The following DSE variants were observed in gnomAD, a reference collection of about 807,000 sequenced individuals.
DSE encodes dermatan-sulfate epimerase.
DSE carries 36 observed loss-of-function variants against 84.4 expected under a neutral mutation model. The ratio of observed to expected loss-of-function variants is 0.43; its 90% CI spans 0.33 to 0.56. The LOEUF is 0.56. Among genes scored for constraint, DSE ranks in the 20% least tolerant of loss-of-function variants. The pLI is 0.06. For missense variants in DSE, 862 were observed against 1,169.6 expected (o/e 0.74, Z 3.84); for synonymous variants, 410 against 430.1 (o/e 0.95, Z 0.58).
intron 2 of DSE, among the ~76,000 whole-genome samples, chr6:116,338,473 C>T (rs912562983): frequency 6.6e-6 from 1 of 152,144 alleles, no homozygotes; most frequent in Non-Finnish European, 1.5e-5. Flanking sequence ...ATCCACCCGC[C>T]TCAGCCTCCC....
chr6:116,360,270 G>A (rs1276638113), intron 2 of DSE, among the ~76,000 whole-genome samples: 1 of 152,100 alleles, frequency 6.6e-6, no homozygotes, highest in Non-Finnish European at 1.5e-5. Context: ...GGGTTGATAG[G>A]TGCAGCAAAC....
chr6:116,402,056 CG>C (rs1407809838), intron 2 of DSE, among the ~76,000 whole-genome samples: 1 of 152,044 alleles, frequency 6.6e-6, no homozygotes, highest in African/African-American at 2.4e-5. Flanking sequence ...GATCAACAAA[CG>C]TTTATTGAGC....
intron 2 of DSE, among the ~76,000 whole-genome samples, chr6:116,282,096 A>G (rs144786301): frequency 1.3e-5 from 2 of 152,346 alleles, no homozygotes; most frequent in East Asian, 1.9e-4. Context: ...CTGTATTTCC[A>G]ATTCTCTCCT....
chr6:116,323,156 C>T (rs1218181545), intron 2 of DSE, among the ~76,000 whole-genome samples: 3 of 152,134 alleles, frequency 2.0e-5, no homozygotes, highest in Non-Finnish European at 2.9e-5. Context: ...CATTTCTCTC[C>T]CAGTTCCCTT....
chr6:116,355,331 T>C (rs1778516204), intron 2 of DSE, among the ~76,000 whole-genome samples: 1 of 152,218 alleles, frequency 6.6e-6, no homozygotes, highest in Admixed American at 6.5e-5. Flanking sequence ...AACCTTCACA[T>C]TCTTCTAATT....
At chr6:116,421,407 CAT>C (rs1783062037) in intron 2 of DSE, among the ~76,000 whole-genome samples, 1 of 127,768 alleles carries the variant, frequency 7.8e-6, no homozygotes, top group African/African-American at 3.0e-5. Flanking sequence ...TTCATATTAA[CAT>C]AAACATATTT....
intron 2 of DSE, among the ~76,000 whole-genome samples, chr6:116,326,888 C>T (rs1273158812): frequency 6.6e-6 from 1 of 152,092 alleles, no homozygotes; most frequent in East Asian, 1.9e-4. Flanking sequence ...AGAGGGAATG[C>T]CTAAGTTAAA....
chr6:116,379,939 C>T (rs1780125281), intron 1 of DSE, among the ~76,000 whole-genome samples: 1 of 152,082 alleles, frequency 6.6e-6, no homozygotes, highest in South Asian at 2.1e-4. Context: ...ATCATAAACC[C>T]TGCACATAAG....
chr6:116,406,764 T>C (rs1781956723), intron 2 of DSE, among the ~76,000 whole-genome samples: 1 of 152,178 alleles, frequency 6.6e-6, no homozygotes, highest in Non-Finnish European at 1.5e-5. Flanking sequence ...CTTACCACAG[T>C]CTCTCTCATC....
At chr6:116,282,387 G>A (rs1375123642) in intron 2 of DSE, among the ~76,000 whole-genome samples, 1 of 151,862 alleles carries the variant, frequency 6.6e-6, no homozygotes, top group Non-Finnish European at 1.5e-5. Context: ...GGAGTGTCAG[G>A]CTTGGACCAA....
intron 1 of DSE, among the ~76,000 whole-genome samples, chr6:116,394,051 TG>T (rs1414953952): frequency 6.8e-6 from 1 of 147,954 alleles, no homozygotes; most frequent in Non-Finnish European, 1.5e-5. Flanking sequence ...CAAATTAGTT[TG>T]GTTAAAGGAA....
intron 2 of DSE, among the ~76,000 whole-genome samples, chr6:116,339,733 G>A (rs1235764823): frequency 6.6e-6 from 1 of 152,116 alleles, no homozygotes; most frequent in Non-Finnish European, 1.5e-5. Context: ...TGAGGAAGAA[G>A]GAAATGTCAA....
At chr6:116,289,559 A>G (rs9387392) in intron 2 of DSE, among the ~76,000 whole-genome samples, 49,523 of 151,838 alleles carry the variant, frequency 0.33, 8,634 homozygotes, top group East Asian at 0.65. Context: ...AATATCAGAA[A>G]TTTCTTTTTT....
intron 2 of DSE, among the ~76,000 whole-genome samples, chr6:116,327,735 T>G (rs1776704640): frequency 6.6e-6 from 1 of 152,238 alleles, no homozygotes; most frequent in South Asian, 2.1e-4. Context: ...TTGGCCATTC[T>G]ACATATTTTC....
rs4946147 is a variant in DSE at position 116,263,892 on chromosome 6, A to C, written c.-54+4925A>C. Among the ~76,000 whole-genome samples the C allele has an allele frequency of 4.6e-5, 7 of 151,852 alleles. No homozygotes were observed. In the East Asian group the frequency reaches 1.4e-3, roughly 30 times the overall value. Reference sequence around the variant, plus strand: ...TGGCTGGATATGAAATTCTGGGTGGAAAATTCTTTTAAGAATGTTGAACAT... The same window carrying C: ...TGGCTGGATATGAAATTCTGGGTGGCAAATTCTTTTAAGAATGTTGAACAT... On this transcript the variant is annotated intron_variant, in intron 2 of 3. Coordinates refer to the DSE transcript ENST00000430252.
chr6:116,284,007 A>G lies in DSE; in HGVS notation c.-54+25040A>G, dbSNP rs551258389. On this transcript the variant is annotated intron_variant, in intron 2 of 3. Coordinates refer to the DSE transcript ENST00000430252. ...CCTTTTTTGCACTTTAAAATATAGG[A>G]TAAATTGGTCCATGACAGAGCATTT... Among the ~76,000 whole-genome samples, 4 of 152,332 alleles carry G rather than the reference A, an allele frequency of 2.6e-5. No individual in the cohort carries two copies. In the East Asian group the frequency reaches 7.7e-4, roughly 29 times the overall value.
chr6:116,324,329 G>A (rs1327025689), intron 2 of DSE, among the ~76,000 whole-genome samples: 2 of 152,112 alleles, frequency 1.3e-5, no homozygotes, highest in Non-Finnish European at 2.9e-5. Flanking sequence ...GGAAAGCAAA[G>A]GTATTTTGAC....
intron 2 of DSE, among the ~76,000 whole-genome samples, chr6:116,349,146 A>C (rs903440812): frequency 8.5e-5 from 13 of 152,186 alleles, no homozygotes; most frequent in South Asian, 4.1e-4. Context: ...ATACATATAC[A>C]TATATATCAA....
intron 2 of DSE, among the ~76,000 whole-genome samples, chr6:116,410,777 A>T (rs1452589910): frequency 6.7e-6 from 1 of 148,616 alleles, no homozygotes. Flanking sequence ...GAAGAAGAAG[A>T]ATCTTGTTGT....
Sources: gnomAD v4.1 joint callset for allele counts (sites outside exome capture counted in the v4.1 genomes callset) on GRCh38, gnomAD v4.1.1 for gene constraint, MANE v1.5 for transcripts, NCBI Gene and HGNC (gene_info 2026-07-23, HGNC 2026-07-21) for gene names.